SV2B: variants seen among roughly 807,000 people sequenced by gnomAD.
SV2B encodes solute carrier family 22 member B2.
SV2B carries 41 observed loss-of-function variants against 73.9 expected under a neutral mutation model. The ratio of observed to expected loss-of-function variants is 0.56; its 90% CI spans 0.43 to 0.72. The LOEUF is 0.72. Ranked by LOEUF, SV2B falls within the 30% of genes least tolerant of loss-of-function variation. The pLI is 0.00. For missense variants in SV2B, 764 were observed against 857.8 expected (o/e 0.89, Z 1.37); for synonymous variants, 314 against 314.2 (o/e 1.00, Z 0.01).
At chr15:91,263,822 G>A (rs2048011757) in intron 6 of SV2B, among the ~76,000 whole-genome samples, 1 of 152,100 alleles carries the variant, frequency 6.6e-6, no homozygotes, top group Non-Finnish European at 1.5e-5. Context: ...TCCTTTCTCC[G>A]TGCCCCTCCT....
rs1596743579 is a variant in SV2B at position 91,268,738 on chromosome 15, A to C, written c.1373+133A>C. 2 of 1,196,662 alleles carry C rather than the reference A, an allele frequency of 1.7e-6. No homozygotes were observed. 74.1% of individuals were successfully genotyped at this position (1,196,662 alleles called of 1,614,324 possible). ...CGCCAAGGCTGGTGTCATCATCACA[A>C]CCTGTCATGGCTGCCAGTGACGCCA... On this transcript the variant is annotated intron_variant, in intron 9 of 12. Coordinates refer to ENST00000394232, the MANE Select transcript of SV2B (RefSeq NM_001323032.3). The surrounding 1 kb of genome is among the most constrained non-coding windows in gnomAD (Gnocchi z 4.4).
At chr15:91,257,396 C>T (rs1168772545) in intron 4 of SV2B, among the ~76,000 whole-genome samples, 1 of 152,182 alleles carries the variant, frequency 6.6e-6, no homozygotes, top group Non-Finnish European at 1.5e-5. Flanking sequence ...GCTCTTTCCA[C>T]TTTATTACTT....
chr15:91,291,929 A>G (rs1466921523), intron 12 of SV2B, among the ~76,000 whole-genome samples: 1 of 152,192 alleles, frequency 6.6e-6, no homozygotes, highest in African/African-American at 2.4e-5. Context: ...GTAGTCCTAC[A>G]TTTGGGGAAA....
chr15:91,209,114 GTTTTTTTT>G (rs903531189), intron 1 of SV2B, among the ~76,000 whole-genome samples: 5 of 90,022 alleles, frequency 5.6e-5, no homozygotes, highest in African/African-American at 1.2e-4. Flanking sequence ...ACTGTTTTTT[GTTTTTTTT>G]TTTTTTTTTT....
intron 1 of SV2B, among the ~76,000 whole-genome samples, chr15:91,126,259 T>A (rs2042479467): frequency 6.6e-6 from 1 of 152,238 alleles, no homozygotes; most frequent in African/African-American, 2.4e-5. Context: ...CAGTGACTCA[T>A]CTGCTTCTGC....
chr15:91,263,830 C>T (rs946946620), intron 6 of SV2B, among the ~76,000 whole-genome samples: 1 of 152,236 alleles, frequency 6.6e-6, no homozygotes, highest in Non-Finnish European at 1.5e-5. Flanking sequence ...CCGTGCCCCT[C>T]CTCCCTTTCA....
At chr15:91,278,678 C>CAAAAAAGAAAA (rs2048580955) in intron 9 of SV2B, among the ~76,000 whole-genome samples, 1 of 42,442 alleles carries the variant, frequency 2.4e-5, no homozygotes, top group African/African-American at 1.3e-4. Flanking sequence ...GACTCCGTCT[C>CAAAAAAGAAAA]AAAAAAAAAA....
rs1014052467 is a variant in SV2B at position 91,220,832 on chromosome 15, C to A, written c.-391-5041C>A. 7.2e-5 allele frequency among the ~76,000 whole-genome samples: 11 copies of A among 152,102 alleles called. No individual in the cohort carries two copies. Among genetic ancestry groups the A allele is most frequent in the Non-Finnish European group, 1.3e-4 (9 of 68,006 alleles). On this transcript the variant is annotated intron_variant, in intron 1 of 12. Transcript: ENST00000394232. This position sits in a 1 kb window ranked among gnomAD's most constrained non-coding sequence, Gnocchi z 4.1. ...TAATTGTCAATACTTAGATAATAATCATAATTTTTATTTTTCATGTTTATT... is the reference window on the plus strand; with the variant it reads ...TAATTGTCAATACTTAGATAATAATAATAATTTTTATTTTTCATGTTTATT...
rs984408845 is a variant in SV2B, at chr15:91,220,454, A to G, written c.-391-5419A>G. Among the ~76,000 whole-genome samples the G allele has an allele frequency of 2.6e-5, 4 of 152,238 alleles. No homozygotes were observed. Among genetic ancestry groups the G allele is most frequent in the African/African-American group, 9.6e-5 (4 of 41,468 alleles). On this transcript the variant is annotated intron_variant, in intron 1 of 12. Transcript: ENST00000394232. This position sits in a 1 kb window ranked among gnomAD's most constrained non-coding sequence, Gnocchi z 4.1. Reference sequence around the variant, plus strand: ...CAAACTTACTTGCTCTTGGAATTCTATTTTTCACTGAAAGGAGAATATTAA... The same window carrying G: ...CAAACTTACTTGCTCTTGGAATTCTGTTTTTCACTGAAAGGAGAATATTAA...
chr15:91,165,165 C>A (rs936409169), intron 1 of SV2B, among the ~76,000 whole-genome samples: 3 of 151,866 alleles, frequency 2.0e-5, no homozygotes, highest in Admixed American at 6.6e-5. Flanking sequence ...GTTGAAACCC[C>A]ATCTCTACTA....
rs746743327 is a variant in SV2B at position 91,281,900 on chromosome 15, G to A, written c.1507+39G>A. ...TTGACAGATTGAATAGAAAGTAACA[G>A]GAGACAACTTGTGTTGTCCAAGAAT... is the stretch of plus-strand genomic sequence containing the variant. On this transcript the variant is annotated intron_variant, in intron 10 of 12. Coordinates refer to ENST00000394232, the MANE Select transcript of SV2B (RefSeq NM_001323032.3). This position sits in a 1 kb window ranked among gnomAD's most constrained non-coding sequence, Gnocchi z 4.7. The A allele has an allele frequency of 1.3e-4, 196 of 1,564,064 alleles. No individual in the cohort carries two copies. The highest frequency in any genetic ancestry group is 1.7e-4 in the Non-Finnish European group (191 of 1,149,052).
intron 1 of SV2B, among the ~76,000 whole-genome samples, chr15:91,174,866 A>G (rs2044245235): frequency 6.6e-6 from 1 of 152,202 alleles, no homozygotes; most frequent in Non-Finnish European, 1.5e-5. Context: ...GACACTGAGC[A>G]GAGAGAAGGT....
At chr15:91,221,938 G>A (rs538812302) in intron 1 of SV2B, among the ~76,000 whole-genome samples, 6 of 152,090 alleles carry the variant, frequency 3.9e-5, no homozygotes, top group Admixed American at 1.3e-4. Flanking sequence ...GTTTCCTTCC[G>A]CATCATGTCT....
At chr15:91,203,422 A>G (rs1404002421) in intron 1 of SV2B, among the ~76,000 whole-genome samples, 3 of 152,226 alleles carry the variant, frequency 2.0e-5, no homozygotes, top group Non-Finnish European at 4.4e-5. Flanking sequence ...TACCATTAGA[A>G]TCCTGTTATG....
intron 1 of SV2B, among the ~76,000 whole-genome samples, chr15:91,219,923 G>A (rs560811576): frequency 2.6e-5 from 4 of 152,274 alleles, no homozygotes; most frequent in African/African-American, 9.6e-5. Flanking sequence ...TTGACGTAAT[G>A]TTCACCCAGG....
chr15:91,182,267 C>T (rs1157759831), intron 1 of SV2B, among the ~76,000 whole-genome samples: 1 of 152,162 alleles, frequency 6.6e-6, no homozygotes, highest in Non-Finnish European at 1.5e-5. Flanking sequence ...GACATGTGAC[C>T]GTCCATCTAA....
At position 91,232,403 on chromosome 15, in the gene SV2B, G is replaced by A. The variant is rs548867682; in HGVS notation, c.451+5689G>A. Among the ~76,000 whole-genome samples, 12 of 152,284 alleles carry A rather than the reference G, an allele frequency of 7.9e-5. No individual in the cohort carries two copies. In the South Asian group the frequency reaches 1.7e-3, roughly 21 times the overall value. ...AAAATGAAGGGCTCCCTTAGCAGACGTACACGGATTGCTGTGTTTAGGAGT... is the reference window on the plus strand; with the variant it reads ...AAAATGAAGGGCTCCCTTAGCAGACATACACGGATTGCTGTGTTTAGGAGT... On this transcript the variant is annotated intron_variant, in intron 2 of 12. Coordinates refer to ENST00000394232, the MANE Select transcript of SV2B (RefSeq NM_001323032.3). The surrounding 1 kb of genome is among the most constrained non-coding windows in gnomAD (Gnocchi z 4.7).
intron 12 of SV2B, among the ~76,000 whole-genome samples, chr15:91,292,166 C>G (rs555143214): frequency 6.6e-6 from 1 of 151,478 alleles, no homozygotes; most frequent in Non-Finnish European, 1.5e-5. Context: ...GATTGTGTCT[C>G]GGTGAAGAGG....
intron 1 of SV2B, among the ~76,000 whole-genome samples, chr15:91,202,542 A>G (rs2045496837): frequency 6.6e-6 from 1 of 152,254 alleles, no homozygotes; most frequent in South Asian, 2.1e-4. Flanking sequence ...AAATGAAGAT[A>G]ATAATACTTA....
Sources: allele counts gnomAD v4.1 joint callset (sites outside exome capture counted in the v4.1 genomes callset), GRCh38; gene constraint gnomAD v4.1.1; non-coding constraint Gnocchi (gnomAD v3.1); transcripts MANE v1.5; gene names NCBI Gene and HGNC (gene_info 2026-07-23, HGNC 2026-07-21).